GABRB2: variants seen among roughly 807,000 people sequenced by gnomAD.
GABRB2 encodes the protein gamma-aminobutyric acid receptor subunit beta-2.
A neutral mutation model predicts 54.7 loss-of-function variants in GABRB2; 16 were observed. That is an observed-to-expected ratio of 0.29 (90% CI 0.20 to 0.44). The LOEUF is 0.44. Among genes scored for constraint, GABRB2 ranks in the 20% least tolerant of loss-of-function variants. The probability of loss-of-function intolerance (pLI) is 1.00; values close to 1 mark genes in which losing one functional copy is unlikely to be tolerated. For synonymous variants in GABRB2, 244 were observed against 233.8 expected (o/e 1.04, Z -0.40); for missense variants, 355 against 644.0 (o/e 0.55, Z 4.86).
chr5:161,293,718 TGAG>T lies in GABRB2; in HGVS notation c.*360_*362del, dbSNP rs1757297181. ...AGCATGCCGACCTTAAAAAGGAAGA[TGAG>T]GAGTATCTGGTTATGACCAAATGAC... On this transcript the variant is annotated 3_prime_UTR_variant, in exon 10 of 10. Coordinates refer to ENST00000393959, the MANE Select transcript of GABRB2 (RefSeq NM_001371727.1). The T allele has an allele frequency of 5.1e-6, 1 of 194,686 alleles. No individual in the cohort carries two copies. Among genetic ancestry groups the T allele is most frequent in the Admixed American group, 5.4e-5 (1 of 18,600 alleles). 12.1% of individuals were successfully genotyped at this position (194,686 alleles called of 1,614,324 possible).
intron 5 of GABRB2, among the ~76,000 whole-genome samples, chr5:161,348,614 A>T (rs1056125367): frequency 2.6e-5 from 4 of 152,192 alleles, no homozygotes; most frequent in Non-Finnish European, 5.9e-5. Context: ...CACTTTGAGA[A>T]TCACAGTTCC....
Position 161,546,465 on chromosome 5 carries a change from G to A in GABRB2, c.78-52C>T, listed in dbSNP as rs752447873. ...GCATCAATAAGGAAGCAGGCATAGC[G>A]TTTTCAGCATCGGATCCCTACTACA... On this transcript the variant is annotated intron_variant, in intron 1 of 9. Coordinates refer to ENST00000393959, the MANE Select transcript of GABRB2 (RefSeq NM_001371727.1). 7.6e-6 allele frequency: 12 copies of A among 1,581,680 alleles called. No individual in the cohort carries two copies. The South Asian group carries it at 1.0e-4, about 13-fold the overall frequency.
chr5:161,469,892 A>C (rs1197718013), intron 3 of GABRB2, among the ~76,000 whole-genome samples: 1 of 151,606 alleles, frequency 6.6e-6, no homozygotes, highest in Non-Finnish European at 1.5e-5. Context: ...ACCTTTCTTC[A>C]TCTCTATTTT....
chr5:161,375,162 C>G (rs908684847), intron 5 of GABRB2, among the ~76,000 whole-genome samples: 1 of 152,120 alleles, frequency 6.6e-6, no homozygotes, highest in African/African-American at 2.4e-5. Flanking sequence ...TACATCACAG[C>G]CCACAGTAAG....
rs76029849 is a variant in GABRB2, at chr5:161,358,866, T to C, written c.542-22097A>G. Among the ~76,000 whole-genome samples, 887 of 152,224 alleles carry C rather than the reference T, an allele frequency of 5.8e-3. 2 individuals carry two copies. Among genetic ancestry groups the C allele is most frequent in the Non-Finnish European group, 0.01 (691 of 68,012 alleles). ...GAATGAATGGGCCAGGCAGGTAAAA[T>C]GTTATTTTCCAGCAACGTCCAAGGC... On this transcript the variant is annotated intron_variant, in intron 5 of 9. Transcript: ENST00000393959.
chr5:161,449,669 T>C (rs1757733744), intron 4 of GABRB2, among the ~76,000 whole-genome samples: 2 of 152,020 alleles, frequency 1.3e-5, no homozygotes, highest in African/African-American at 2.4e-5. Flanking sequence ...GTAAGACAAA[T>C]GAAAAAACCG....
intron 5 of GABRB2, among the ~76,000 whole-genome samples, chr5:161,373,305 CA>C (rs1169067610): frequency 3.9e-5 from 6 of 152,150 alleles, no homozygotes; most frequent in African/African-American, 1.4e-4. Flanking sequence ...CTGTGACTTG[CA>C]GAAGCATTTC....
At position 161,383,797 on chromosome 5, in the gene GABRB2, T is replaced by C. The variant is rs561301579; in HGVS notation, c.541+27178A>G. Reference sequence around the variant, plus strand: ...TCATCTAAACTTAACACTAAGAAATTAGCAATACTTGCTGAATGACGCTGA... The same window carrying C: ...TCATCTAAACTTAACACTAAGAAATCAGCAATACTTGCTGAATGACGCTGA... On this transcript the variant is annotated intron_variant, in intron 5 of 9. Coordinates refer to ENST00000393959, the MANE Select transcript of GABRB2 (RefSeq NM_001371727.1). Among the ~76,000 whole-genome samples the C allele has an allele frequency of 8.1e-4, 124 of 152,340 alleles. No individual in the cohort carries two copies. The South Asian group carries it at 0.024, about 29-fold the overall frequency.
intron 9 of GABRB2, among the ~76,000 whole-genome samples, chr5:161,315,725 C>T (rs1758009290): frequency 6.6e-6 from 1 of 152,032 alleles, no homozygotes. Context: ...TTGGTACATA[C>T]AATGTGTAAT....
In GABRB2 at chr5:161,396,233, C is replaced by A. The variant is rs547839680; in HGVS notation, c.541+14742G>T. ...GAAAGCCACACTGAGCCCAAGTAAA[C>A]CCCATCCATTCCTTCCAGGGAGGAG... On this transcript the variant is annotated intron_variant, in intron 5 of 9. Coordinates refer to ENST00000393959, the MANE Select transcript of GABRB2 (RefSeq NM_001371727.1). 1.7e-3 allele frequency among the ~76,000 whole-genome samples: 253 copies of A among 152,222 alleles called. 1 individual carries two copies. Among genetic ancestry groups the A allele is most frequent in the African/African-American group, 5.8e-3 (242 of 41,548 alleles).
At chr5:161,541,070 G>A (rs762646671) in intron 3 of GABRB2, among the ~76,000 whole-genome samples, 5 of 151,958 alleles carry the variant, frequency 3.3e-5, no homozygotes, top group African/African-American at 7.3e-5. Context: ...GGTCTTGAAT[G>A]TCTGGGCTCA....
rs559503743 is a variant in GABRB2 at position 161,533,009 on chromosome 5, ATTAAT to A, written c.237+12213_237+12217del. Among the ~76,000 whole-genome samples the A allele has an allele frequency of 3.2e-4, 48 of 152,270 alleles. No individual in the cohort carries two copies. The South Asian group carries it at 9.5e-3, about 30-fold the overall frequency. ...CATGCCGATTCACCTTAAAGACTTC[ATTAAT>A]TTAATGGTTGCCTTTGTGTTAGGAG... On this transcript the variant is annotated intron_variant, in intron 3 of 9. Transcript: ENST00000393959.
intron 3 of GABRB2, among the ~76,000 whole-genome samples, chr5:161,468,514 G>C (rs1376545856): frequency 6.6e-6 from 1 of 151,966 alleles, no homozygotes; most frequent in African/African-American, 2.4e-5. Context: ...CTCCTTGGTG[G>C]GGTTTTCCCT....
chr5:161,492,846 A>T lies in GABRB2; in HGVS notation c.238-33002T>A, dbSNP rs117085183. On this transcript the variant is annotated intron_variant, in intron 3 of 9. Transcript: ENST00000393959. ...TCTCAGACATCTTTCAAATGAGTAC[A>T]TGTGAGTTTACTTTACTCTTTTTAT... is the stretch of plus-strand genomic sequence containing the variant. Among the ~76,000 whole-genome samples the T allele has an allele frequency of 1.0e-3, 156 of 151,862 alleles. 2 individuals carry two copies. The East Asian group carries it at 0.029, about 28-fold the overall frequency.
intron 5 of GABRB2, among the ~76,000 whole-genome samples, chr5:161,410,447 C>A (rs935852058): frequency 7.9e-5 from 12 of 151,348 alleles, no homozygotes; most frequent in Admixed American, 2.0e-4. Context: ...CATCAGATGG[C>A]CTTCAGCAAA....
chr5:161,364,607 T>C (rs1400471118), intron 5 of GABRB2, among the ~76,000 whole-genome samples: 4 of 152,186 alleles, frequency 2.6e-5, no homozygotes, highest in Non-Finnish European at 5.9e-5. Context: ...TGGTTGTACT[T>C]CCCTCTGTAT....
At chr5:161,493,529 C>T (rs1043312248) in intron 3 of GABRB2, among the ~76,000 whole-genome samples, 2 of 151,566 alleles carry the variant, frequency 1.3e-5, no homozygotes, top group Middle Eastern at 3.4e-3. Flanking sequence ...ATTTACTCTT[C>T]GAGATGAGAG....
chr5:161,374,135 G>T (rs1345990457), intron 5 of GABRB2, among the ~76,000 whole-genome samples: 2 of 151,880 alleles, frequency 1.3e-5, no homozygotes, highest in African/African-American at 2.4e-5. Flanking sequence ...GTAGAGACGG[G>T]GTTTCTCCAT....
chr5:161,390,161 C>A (rs1309063004), intron 5 of GABRB2, among the ~76,000 whole-genome samples: 2 of 151,970 alleles, frequency 1.3e-5, no homozygotes, highest in Non-Finnish European at 2.9e-5. Context: ...TTGACCTTTA[C>A]GTGGCCAAAT....
Sources: gnomAD v4.1 joint callset for allele counts (sites outside exome capture counted in the v4.1 genomes callset) on GRCh38, gnomAD v4.1.1 for gene constraint, MANE v1.5 for transcripts, NCBI Gene and HGNC (gene_info 2026-07-23, HGNC 2026-07-21) for gene names.